The following ZZEF1 variants were observed in gnomAD, a reference collection of about 807,000 sequenced individuals.
ZZEF1 encodes the protein zinc finger ZZ-type and EF-hand domain containing 1, also known as zinc finger ZZ-type and EF-hand domain-containing protein 1.
Under a neutral mutation model 342.8 loss-of-function variants are expected in ZZEF1, and 157 were observed. That is an observed-to-expected ratio of 0.46 (90% CI 0.40 to 0.52). The LOEUF is 0.52. Ranked by LOEUF, ZZEF1 falls within the 20% of genes least tolerant of loss-of-function variation. ZZEF1 has a pLI of 0.00. For missense variants in ZZEF1, 3,480 were observed against 3,725.6 expected, an observed-to-expected ratio of 0.93 and a Z score of 1.72; for synonymous variants, 1,505 against 1,429.1, an observed-to-expected ratio of 1.05 and a Z score of -1.20.
In ZZEF1 at chr17:4,034,248, G is replaced by A; in HGVS notation, c.6351C>T (p.Leu2117=). Residue 2117 remains leucine (L), a synonymous_variant, in exon 40 of 55, where the codon CTC becomes CTT. Transcript: ENST00000381638. ...PLIDLEHVLP[L]MFQVVISNAG... ...CGTTTGAGATGACAACCTGAAACAT[G>A]AGTGGAAGGACGTGCTCCAGGTCTA... 1.2e-6 allele frequency: 2 copies of A among 1,614,216 alleles called. No individual in the cohort carries two copies. Among genetic ancestry groups the A allele is most frequent in the South Asian group, 1.1e-5 (1 of 91,086 alleles).
Position 4,042,533 on chromosome 17 carries a change from T to G in ZZEF1, c.6202A>C (p.Ile2068Leu). The change falls in exon 39 of 55, where the codon ATA (isoleucine) becomes CTA (leucine). Residue 2068 changes from isoleucine (I) to leucine (L), a missense_variant. Around this residue, in one of 5 missense-constraint regions of ZZEF1, gnomAD observed 1,269 missense variants for 1,342.4 expected, o/e 0.95. Coordinates refer to ENST00000381638, the MANE Select transcript of ZZEF1 (RefSeq NM_015113.4). ...CTTGGAGTAACTGCTTTTTCCTCTATGGGCTTCTGAGATGACACTTCTGAA... is the reference window on the plus strand; with the variant it reads ...CTTGGAGTAACTGCTTTTTCCTCTAGGGGCTTCTGAGATGACACTTCTGAA... Reference protein sequence around the residue: ...EDSEVSSQKPIEEKAVTPSPE... With the variant: ...EDSEVSSQKPLEEKAVTPSPE... 1 of 1,613,920 alleles carries G rather than the reference T, an allele frequency of 6.2e-7. No homozygotes were observed. Among genetic ancestry groups the G allele is most frequent in the Non-Finnish European group, 8.5e-7 (1 of 1,179,940 alleles).
At chr17:4,122,681 C>T (rs1032102445) in intron 2 of ZZEF1, among the ~76,000 whole-genome samples, 4 of 151,526 alleles carry the variant, frequency 2.6e-5, no homozygotes, top group Admixed American at 6.6e-5. Context: ...CACTGTGCCC[C>T]GCCGGCATTG....
chr17:4,008,796 G>A lies in ZZEF1; in HGVS notation c.8805+87C>T. The A allele has an allele frequency of 5.3e-6, 8 of 1,514,338 alleles. No individual in the cohort carries two copies. The highest frequency in any genetic ancestry group is 1.2e-5 in the South Asian group (1 of 81,968). 93.8% of individuals were successfully genotyped at this position (1,514,338 alleles called of 1,614,324 possible). ...CGGGTGGATTCTGTCCTACTCAGACGCAATGTACAGACCTTCTCTGCCCTG... is the reference window on the plus strand; with the variant it reads ...CGGGTGGATTCTGTCCTACTCAGACACAATGTACAGACCTTCTCTGCCCTG... On this transcript the variant is annotated intron_variant, in intron 54 of 54. Coordinates refer to ENST00000381638, the MANE Select transcript of ZZEF1 (RefSeq NM_015113.4). The surrounding 1 kb of genome is among the most constrained non-coding windows in gnomAD (Gnocchi z 4.2).
chr17:4,033,946 C>A, intron 40 of ZZEF1, 69 bp downstream of exon 40: 1 of 1,575,550 alleles, frequency 6.3e-7, no homozygotes. Flanking sequence ...GCCAGACCTT[C>A]AACTTAAACA....
At position 4,021,213 on chromosome 17, in the gene ZZEF1, C is replaced by T. The variant is rs912852945; in HGVS notation, c.7320G>A (p.Arg2440=). 13 of 1,614,204 alleles carry T rather than the reference C, an allele frequency of 8.1e-6. No homozygotes were observed. Among genetic ancestry groups the T allele is most frequent in the Admixed American group, 1.7e-5 (1 of 60,022 alleles). The change falls in exon 45 of 55, where the codon CGG becomes CGA. Residue 2440 remains arginine (R), a synonymous_variant. Coordinates refer to ENST00000381638, the MANE Select transcript of ZZEF1 (RefSeq NM_015113.4). ...ERGDREEEVE[R]PVSSPGDPEQ... is the part of the protein sequence containing the mutation. ...CTGGGTCGCCAGGGCTGCTGACTGG[C>T]CGTTCCACCTCTTCCTCTCGGTCCC...
At chr17:4,078,438 G>T (rs2057663995) in intron 18 of ZZEF1, among the ~76,000 whole-genome samples, 1 of 152,046 alleles carries the variant, frequency 6.6e-6, no homozygotes, top group South Asian at 2.1e-4. Context: ...CATCACCTTT[G>T]TTCTCAAAAG....
In ZZEF1 at chr17:4,017,500, T is replaced by A. The variant is rs1567763426; in HGVS notation, c.7872A>T (p.Ala2624=). 2 of 1,614,256 alleles carry A rather than the reference T, an allele frequency of 1.2e-6. No individual in the cohort carries two copies. Among genetic ancestry groups the A allele is most frequent in the South Asian group, 1.1e-5 (1 of 91,088 alleles). ...TAVLYARHVL[A]SLLAEWPSHV... ...GGCTAGGCCACTCGGCGAGCAGGGATGCAAGCACGTGGCGGGCGTACAGGA... is the reference window on the plus strand; with the variant it reads ...GGCTAGGCCACTCGGCGAGCAGGGAAGCAAGCACGTGGCGGGCGTACAGGA... The change falls in exon 48 of 55, where the codon GCA becomes GCT. Residue 2624 remains alanine (A), a synonymous_variant. Coordinates refer to ENST00000381638, the MANE Select transcript of ZZEF1 (RefSeq NM_015113.4). This position sits in a 1 kb window ranked among gnomAD's most constrained non-coding sequence, Gnocchi z 5.1.
Position 4,074,281 on chromosome 17 carries a change from C to G in ZZEF1, c.3554G>C (p.Gly1185Ala). The change falls in exon 24 of 55, where the codon GGC (glycine) becomes GCC (alanine). Residue 1185 changes from glycine (G) to alanine (A), a missense_variant. Gly to Ala is a moderately conservative substitution (Grantham distance 60). This residue lies in a region of ZZEF1 where 1,528 missense variants were observed against 1,624.1 expected (regional missense o/e 0.94). Coordinates refer to ENST00000381638, the MANE Select transcript of ZZEF1 (RefSeq NM_015113.4). ...ACAGGCAGTGACAGTGAATTTGTAG[C>G]CCCATTCGTTGTGACTGCTGTCAGA... Reference protein sequence around the residue: ...FHSDSSHNEWGYKFTVTACGL... With the variant: ...FHSDSSHNEWAYKFTVTACGL... 6.2e-7 allele frequency: 1 copy of G among 1,614,158 alleles called. No homozygotes were observed. The highest frequency in any genetic ancestry group is 8.5e-7 in the Non-Finnish European group (1 of 1,180,044).
intron 5 of ZZEF1, among the ~76,000 whole-genome samples, chr17:4,111,760 T>TTATATATA (rs3050967): frequency 7.7e-5 from 11 of 142,736 alleles, no homozygotes; most frequent in South Asian, 2.2e-4. Flanking sequence ...ATATATATGT[T>TTATATATA]TATATATATA....
At chr17:4,139,014 A>G (rs2058798584) in intron 1 of ZZEF1, among the ~76,000 whole-genome samples, 1 of 144,686 alleles carries the variant, frequency 6.9e-6, no homozygotes, top group South Asian at 2.1e-4. Context: ...CAAGTAACTG[A>G]GGTCACAGGA....
At chr17:4,072,494 G>A (rs1597849532) in intron 25 of ZZEF1, 114 bp downstream of exon 25, 2 of 1,303,452 alleles carry the variant, frequency 1.5e-6, no homozygotes, top group African/African-American at 1.5e-5. Flanking sequence ...GCCTCAAGGA[G>A]CTAACTGCTT....
Position 4,042,518 on chromosome 17 carries a change from C to T in ZZEF1, c.6217G>A (p.Val2073Ile), listed in dbSNP as rs1326582652. Residue 2073 changes from valine to isoleucine, a missense_variant, in exon 39 of 55, where the codon GTT becomes ATT. Val to Ile is a conservative substitution (Grantham distance 29). This residue lies in a region of ZZEF1 where 1,269 missense variants were observed against 1,342.4 expected (regional missense o/e 0.95). Coordinates refer to ENST00000381638, the MANE Select transcript of ZZEF1 (RefSeq NM_015113.4). ...SSQKPIEEKAVTPSPEQVFAE... is the reference protein window; with the variant it reads ...SSQKPIEEKAITPSPEQVFAE... Reference sequence around the variant, plus strand: ...AACACTTGCTCAGGGCTTGGAGTAACTGCTTTTTCCTCTATGGGCTTCTGA... The same window carrying T: ...AACACTTGCTCAGGGCTTGGAGTAATTGCTTTTTCCTCTATGGGCTTCTGA... 6.2e-7 allele frequency: 1 copy of T among 1,614,086 alleles called. No homozygotes were observed. Among genetic ancestry groups the T allele is most frequent in the East Asian group, 2.2e-5 (1 of 44,886 alleles).
chr17:4,129,061 C>T (rs755272185), intron 1 of ZZEF1, among the ~76,000 whole-genome samples: 2 of 152,058 alleles, frequency 1.3e-5, no homozygotes, highest in Non-Finnish European at 2.9e-5. Flanking sequence ...GCCACCGCAC[C>T]CGGCCCAAAA....
In ZZEF1 at chr17:4,032,915, G is replaced by C. The variant is rs765010987; in HGVS notation, c.6672C>G (p.Thr2224=). ...GCTGCTTGATGCAGTGGTCTGTGAAGGTGGCAATGACATCACGCCACAGTG... is the reference window on the plus strand; with the variant it reads ...GCTGCTTGATGCAGTGGTCTGTGAACGTGGCAATGACATCACGCCACAGTG... The part of the protein sequence containing the change: ...SAPLWRDVIA[T]FTDHCIKQLP... Residue 2224 remains threonine, a synonymous_variant, in exon 41 of 55, where the codon ACC becomes ACG. Transcript: ENST00000381638. 1 of 1,613,872 alleles carries C rather than the reference G, an allele frequency of 6.2e-7. No individual in the cohort carries two copies. The highest frequency in any genetic ancestry group is 2.2e-5 in the East Asian group (1 of 44,860).
intron 1 of ZZEF1, among the ~76,000 whole-genome samples, chr17:4,128,810 C>T (rs182642752): frequency 7.6e-5 from 11 of 143,884 alleles, no homozygotes; most frequent in East Asian, 4.0e-4. Flanking sequence ...CTTGCTCTGT[C>T]GCCCAGACTG....
In ZZEF1 at chr17:4,014,047, C is replaced by A; in HGVS notation, c.8413+43G>T. The A allele has an allele frequency of 6.4e-7, 1 of 1,572,850 alleles. No homozygotes were observed. On this transcript the variant is annotated intron_variant, in intron 51 of 54. Transcript: ENST00000381638. This position sits in a 1 kb window ranked among gnomAD's most constrained non-coding sequence, Gnocchi z 4.4. ...ATGGCACCCACAGCCATGGAGTGTC[C>A]CTGGCAGGCAGATGGTGTGAACGCA... is the stretch of plus-strand genomic sequence containing the variant.
chr17:4,102,251 G>T, intron 9 of ZZEF1, 66 bp downstream of exon 9: 2 of 1,400,756 alleles, frequency 1.4e-6, no homozygotes, highest in East Asian at 2.3e-5. Context: ...AAAGTCTGGA[G>T]TGTGCTTTCA....
In ZZEF1 at chr17:4,029,822, T is replaced by C. The variant is rs1183082334; in HGVS notation, c.6892+2304A>G. Among the ~76,000 whole-genome samples, 3 of 144,580 alleles carry C rather than the reference T, an allele frequency of 2.1e-5. No homozygotes were observed. In the South Asian group the frequency reaches 6.4e-4, roughly 31 times the overall value. 94.9% of individuals were successfully genotyped at this position (144,580 alleles called of 152,430 possible). A position where few individuals can be genotyped will look rare whatever the true frequency, so the allele number is the denominator to read the frequency against. ...CCAGGAGGTGGAGGTTGCATTGAGCTGAGATCATGCCAATGCACTCCAGCC... is the reference window on the plus strand; with the variant it reads ...CCAGGAGGTGGAGGTTGCATTGAGCCGAGATCATGCCAATGCACTCCAGCC... On this transcript the variant is annotated intron_variant, in intron 42 of 54. Transcript: ENST00000381638.
chr17:4,093,104 G>A (rs146120552), intron 11 of ZZEF1, among the ~76,000 whole-genome samples: 1 of 152,004 alleles, frequency 6.6e-6, no homozygotes, highest in African/African-American at 2.4e-5. Context: ...ATCATTAAGG[G>A]AGTGGTGAAT....
Sources: allele counts gnomAD v4.1 joint callset (sites outside exome capture counted in the v4.1 genomes callset), GRCh38; gene constraint gnomAD v4.1.1; regional missense constraint gnomAD v4.1.1; non-coding constraint Gnocchi (gnomAD v3.1); transcripts MANE v1.5; gene names NCBI Gene and HGNC (gene_info 2026-07-23, HGNC 2026-07-21).